The following RNLS variants were observed in gnomAD, a reference collection of about 807,000 sequenced individuals.
RNLS encodes renalase.
Under a neutral mutation model 39.8 loss-of-function variants are expected in RNLS, and 39 were observed. That is an observed-to-expected ratio of 0.98 (90% CI 0.76 to 1.28). RNLS has a LOEUF of 1.28. Among genes scored for constraint, RNLS ranks in the 50% most tolerant of loss-of-function variants. RNLS has a pLI of 0.00. For missense variants in RNLS, 410 were observed against 413.3 expected, an observed-to-expected ratio of 0.99 and a Z score of 0.07; for synonymous variants, 147 against 150.7, an observed-to-expected ratio of 0.98 and a Z score of 0.18.
At chr10:88,339,571 T>C (rs1352421230) in intron 5 of RNLS, among the ~76,000 whole-genome samples, 1 of 152,206 alleles carries the variant, frequency 6.6e-6, no homozygotes, top group Non-Finnish European at 1.5e-5. Flanking sequence ...CTCATAGGGT[T>C]GTTGTGATGA....
intron 4 of RNLS, among the ~76,000 whole-genome samples, chr10:88,544,573 G>T (rs993358083): frequency 9.2e-5 from 14 of 152,172 alleles, no homozygotes; most frequent in African/African-American, 3.4e-4. Flanking sequence ...TGACTCACAA[G>T]AATCTTTTCC....
At chr10:88,468,140 C>T (rs1564823494) in intron 4 of RNLS, among the ~76,000 whole-genome samples, 1 of 152,154 alleles carries the variant, frequency 6.6e-6, no homozygotes, top group African/African-American at 2.4e-5. Context: ...CAGGTAAAGG[C>T]AGAAAGCTTT....
chr10:88,335,704 A>T (rs1847439492), intron 5 of RNLS, among the ~76,000 whole-genome samples: 1 of 152,214 alleles, frequency 6.6e-6, no homozygotes. Context: ...AATTTGTTCA[A>T]AATAACTACA....
chr10:88,442,157 T>C (rs1298969243), intron 4 of RNLS, among the ~76,000 whole-genome samples: 4 of 152,238 alleles, frequency 2.6e-5, no homozygotes, highest in Non-Finnish European at 5.9e-5. Context: ...GGAGTTATAA[T>C]TCTCTTATAT....
At chr10:88,495,031 T>C (rs1463027600) in intron 4 of RNLS, among the ~76,000 whole-genome samples, 1 of 152,116 alleles carries the variant, frequency 6.6e-6, no homozygotes, top group Non-Finnish European at 1.5e-5. Flanking sequence ...AGCAACTACT[T>C]TGAAGGGGAA....
At chr10:88,260,062 A>C in the RNLS span, among the ~76,000 whole-genome samples, 1 of 152,184 alleles carries the variant, frequency 6.6e-6, no homozygotes, top group South Asian at 2.1e-4. Context: ...TTAAGGAAAA[A>C]AAGAATTTGG....
chr10:88,375,693 A>G (rs996731883), intron 4 of RNLS, among the ~76,000 whole-genome samples: 1 of 152,178 alleles, frequency 6.6e-6, no homozygotes, highest in Non-Finnish European at 1.5e-5. Context: ...CTCCTTTTGC[A>G]CAAAGATTTA....
In RNLS at chr10:88,285,276, T is replaced by C; in HGVS notation, c.*78A>G. ...TTTCCAGTAATTTTTCTTAGCAAAA[T>C]AGAAAACAAAATAATCAATAACAGA... On this transcript the variant is annotated 3_prime_UTR_variant, in exon 7 of 7. Transcript: ENST00000331772. The C allele has an allele frequency of 7.0e-7, 1 of 1,422,612 alleles. No individual in the cohort carries two copies. 88.1% of individuals were successfully genotyped at this position (1,422,612 alleles called of 1,614,324 possible). A position where few individuals can be genotyped will look rare whatever the true frequency, so the allele number is the denominator to read the frequency against.
rs560840519 is a variant in RNLS, at chr10:88,553,807, C to G, written c.526+19096G>C. ...GTACGCTAAAGAAACATATACCCAC[C>G]TCGTCTAAAAACTAGAAAAACATCC... On this transcript the variant is annotated intron_variant, in intron 4 of 6. Coordinates refer to ENST00000331772, the MANE Select transcript of RNLS (RefSeq NM_001031709.3). Among the ~76,000 whole-genome samples, 9 of 152,134 alleles carry G rather than the reference C, an allele frequency of 5.9e-5. No individual in the cohort carries two copies. The South Asian group carries it at 1.9e-3, about 32-fold the overall frequency.
chr10:88,343,495 T>A (rs1305192737), intron 5 of RNLS: 2 of 932,074 alleles, frequency 2.1e-6, no homozygotes, highest in Non-Finnish European at 2.6e-6. Context: ...TGAACGTAAG[T>A]TTGATCTTAA....
intron 4 of RNLS, among the ~76,000 whole-genome samples, chr10:88,381,209 A>ATAAAT (rs1363136882): frequency 6.6e-6 from 1 of 152,152 alleles, no homozygotes; most frequent in East Asian, 1.9e-4. Flanking sequence ...CTTTGACTTA[A>ATAAAT]TAAATTAATG....
intron 5 of RNLS, among the ~76,000 whole-genome samples, chr10:88,331,885 T>TAAC (rs1205939617): frequency 6.6e-6 from 1 of 152,108 alleles, no homozygotes; most frequent in East Asian, 1.9e-4. Flanking sequence ...AAAAAAAATC[T>TAAC]AACTTTCCCT....
intron 4 of RNLS, among the ~76,000 whole-genome samples, chr10:88,402,535 C>T (rs973971466): frequency 2.6e-5 from 4 of 151,676 alleles, no homozygotes; most frequent in Non-Finnish European, 5.9e-5. Context: ...ACTAATAAAT[C>T]GTTGGGGTTT....
At chr10:88,426,236 T>A (rs1295472723) in intron 4 of RNLS, among the ~76,000 whole-genome samples, 1 of 152,042 alleles carries the variant, frequency 6.6e-6, no homozygotes, top group Non-Finnish European at 1.5e-5. Context: ...CTGAAGGTCA[T>A]ACCATGTCAA....
intron 6 of RNLS, among the ~76,000 whole-genome samples, chr10:88,309,154 G>A (rs918652815): frequency 1.3e-5 from 2 of 152,032 alleles, no homozygotes; most frequent in African/African-American, 4.8e-5. Context: ...AGAAGGGAGA[G>A]GATCAGGAGA....
At chr10:88,440,207 C>CT (rs1467321540) in intron 4 of RNLS, among the ~76,000 whole-genome samples, 1 of 152,184 alleles carries the variant, frequency 6.6e-6, no homozygotes, top group African/African-American at 2.4e-5. Context: ...TGTCAGTCCT[C>CT]TTGACATCTT....
chr10:88,240,047 A>G, the RNLS span, among the ~76,000 whole-genome samples: 2 of 152,376 alleles, frequency 1.3e-5, no homozygotes, highest in Middle Eastern at 3.4e-3. Context: ...AATGAAAGAT[A>G]TAATAGAGCA....
chr10:88,238,939 T>C, the RNLS span, among the ~76,000 whole-genome samples: 2 of 152,070 alleles, frequency 1.3e-5, no homozygotes, highest in African/African-American at 4.8e-5. Context: ...ATGCCAGCCA[T>C]GTGGTAGGAT....
chr10:88,405,719 G>A (rs550718081), intron 4 of RNLS, among the ~76,000 whole-genome samples: 1 of 152,132 alleles, frequency 6.6e-6, no homozygotes, highest in South Asian at 2.1e-4. Flanking sequence ...GAAATGTGAG[G>A]TACCATTGCA....
Sources: gnomAD v4.1 joint callset for allele counts (sites outside exome capture counted in the v4.1 genomes callset) on GRCh38, gnomAD v4.1.1 for gene constraint, MANE v1.5 for transcripts, NCBI Gene and HGNC (gene_info 2026-07-23, HGNC 2026-07-21) for gene names.